SART3: variants seen among roughly 807,000 people sequenced by gnomAD.
SART3 encodes spliceosome associated factor 3, U4/U6 recycling protein.
In SART3, 44 loss-of-function variants were observed where a neutral mutation model predicts 122.3. That is an observed-to-expected ratio of 0.36 (90% CI 0.28 to 0.46). The LOEUF (loss-of-function observed/expected upper bound fraction) is 0.46, where lower values mean the gene tolerates loss of function less well. SART3 is among the 20% of genes least tolerant of loss of function. The pLI is 1.00. For synonymous variants in SART3, 442 were observed against 454.0 expected (o/e 0.97, Z 0.34); for missense variants, 1,101 against 1,229.0 (o/e 0.90, Z 1.56).
chr12:108,531,149 A>G (rs1872662564), intron 14 of SART3, 55 bp downstream of exon 14: 1 of 1,416,812 alleles, frequency 7.1e-7, no homozygotes, highest in East Asian at 2.3e-5. Flanking sequence ...CATCCATACC[A>G]AACTGAGCCA....
At chr12:108,545,056 T>C (rs1873338924) in intron 4 of SART3, 83 bp downstream of exon 4, 1 of 1,326,560 alleles carries the variant, frequency 7.5e-7, no homozygotes, top group Non-Finnish European at 1.1e-6. Context: ...AGATTCATCA[T>C]GGACATGTGT....
intron 6 of SART3, among the ~76,000 whole-genome samples, chr12:108,541,986 C>G (rs996853400): frequency 6.7e-6 from 1 of 148,530 alleles, no homozygotes; most frequent in African/African-American, 2.5e-5. Flanking sequence ...AGACACATGC[C>G]ACCAAGCCCG....
In SART3 at chr12:108,543,252, A is replaced by G. The variant is rs932193397; in HGVS notation, c.782-100T>C. ...GACTCAGGTGCCACTAGCCCCTCCC[A>G]CATCTGTGGCATGGCAGCTCTTACT... On this transcript the variant is annotated intron_variant, in intron 5 of 18. Transcript: ENST00000546815. The G allele has an allele frequency of 5.1e-6, 7 of 1,385,300 alleles. No individual in the cohort carries two copies. In the African/African-American group the frequency reaches 1.0e-4, roughly 20 times the overall value. The allele number at this position is 1,385,300 out of a possible 1,614,324, so 85.8% of individuals were successfully genotyped here.
chr12:108,545,763 C>T (rs558949314), intron 3 of SART3, among the ~76,000 whole-genome samples: 3 of 152,164 alleles, frequency 2.0e-5, no homozygotes, highest in East Asian at 1.9e-4. Context: ...GTCAGGAGAT[C>T]GAAACCAGCC....
chr12:108,547,259 T>G (rs1392154318), intron 3 of SART3, among the ~76,000 whole-genome samples: 1 of 152,190 alleles, frequency 6.6e-6, no homozygotes, highest in Non-Finnish European at 1.5e-5. Context: ...CTTCTATACT[T>G]CACTTGCACT....
In SART3 at chr12:108,532,221, C is replaced by T; in HGVS notation, c.1669+1G>A. ...AGCCAGAAGAGAGCTGGGGGTCCCACCTTCTGTCCTCTCCATGGTGAGTAA... is the reference window on the plus strand; with the variant it reads ...AGCCAGAAGAGAGCTGGGGGTCCCATCTTCTGTCCTCTCCATGGTGAGTAA... On this transcript the variant is annotated splice_donor_variant, in intron 13 of 18. Coordinates refer to ENST00000546815, the MANE Select transcript of SART3 (RefSeq NM_014706.4). LOFTEE classifies it high-confidence loss of function. 6.2e-7 allele frequency: 1 copy of T among 1,613,292 alleles called. No individual in the cohort carries two copies. The highest frequency in any genetic ancestry group is 8.5e-7 in the Non-Finnish European group (1 of 1,179,334).
chr12:108,538,640 G>C (rs1466884476), intron 7 of SART3, among the ~76,000 whole-genome samples: 1 of 152,144 alleles, frequency 6.6e-6, no homozygotes, highest in Admixed American at 6.5e-5. Flanking sequence ...TCATTTTACT[G>C]ATCTGTCTAC....
At chr12:108,558,761 C>T (rs943216611) in intron 1 of SART3, among the ~76,000 whole-genome samples, 5 of 152,138 alleles carry the variant, frequency 3.3e-5, no homozygotes, top group African/African-American at 9.7e-5. Flanking sequence ...AGGGCAGGCG[C>T]GGTGGCTCAC....
chr12:108,547,953 C>T lies in SART3; in HGVS notation c.478G>A (p.Ala160Thr), dbSNP rs1266062375. Residue 160 changes from alanine (A) to threonine (T), a missense_variant, in exon 3 of 19, where the codon GCC (alanine) becomes ACC (threonine). Ala to Thr is a moderately conservative substitution (Grantham distance 58). Around this residue, in one of 2 missense-constraint regions of SART3, gnomAD observed 885 missense variants for 1,080.1 expected, o/e 0.82. Coordinates refer to ENST00000546815, the MANE Select transcript of SART3 (RefSeq NM_014706.4). ...LEWLHDEISM[A>T]QDGLDREHVY... The stretch of plus-strand genomic sequence containing the variant: ...TGCTCTCTGTCCAGGCCATCCTGGG[C>T]CATGCTGATCTCGTCATGCAGCCAC... 6.2e-7 allele frequency: 1 copy of T among 1,613,662 alleles called. No individual in the cohort carries two copies.
At chr12:108,528,684 G>A (rs1216087695) in intron 15 of SART3, among the ~76,000 whole-genome samples, 4 of 152,114 alleles carry the variant, frequency 2.6e-5, no homozygotes, top group Non-Finnish European at 5.9e-5. Context: ...GCCTGGCCCC[G>A]GGTGTGGGAG....
chr12:108,550,923 A>G (rs2029978206), intron 1 of SART3, among the ~76,000 whole-genome samples: 1 of 152,248 alleles, frequency 6.6e-6, no homozygotes, highest in Admixed American at 6.5e-5. Context: ...AGAAAGGAGA[A>G]ACAGAAGAAT....
intron 15 of SART3, among the ~76,000 whole-genome samples, chr12:108,529,918 G>A (rs1290416421): frequency 6.6e-6 from 1 of 152,136 alleles, no homozygotes; most frequent in Non-Finnish European, 1.5e-5. Context: ...GACATTATCA[G>A]GATAAATGGG....
intron 15 of SART3, among the ~76,000 whole-genome samples, chr12:108,527,648 G>A (rs982278381): frequency 6.6e-6 from 1 of 152,214 alleles, no homozygotes; most frequent in African/African-American, 2.4e-5. Flanking sequence ...GCCCAAACAA[G>A]GTGTGCAAGC....
chr12:108,542,725 GAAAAGCAAGGGA>G, intron 6 of SART3: 1 of 437,792 alleles, frequency 2.3e-6, no homozygotes, highest in Non-Finnish European at 4.4e-6. Flanking sequence ...AAACTATAAA[GAAAAGCAAGGGA>G]ATTATCATCA....
chr12:108,536,834 T>C lies in SART3; in HGVS notation c.1310-49A>G, dbSNP rs566530873. On this transcript the variant is annotated intron_variant, in intron 9 of 18. Coordinates refer to ENST00000546815, the MANE Select transcript of SART3 (RefSeq NM_014706.4). The stretch of plus-strand genomic sequence containing the variant: ...CTTTAGGAAACCACATAGCCTGGCT[T>C]TGTTTTATTTTTTATCCTATGCTGA... 156 of 1,549,414 alleles carry C rather than the reference T, an allele frequency of 1.0e-4. No homozygotes were observed. In the South Asian group the frequency reaches 1.7e-3, roughly 17 times the overall value.
rs1872178419 is a variant in SART3, at chr12:108,522,642, C to T, written c.*815G>A. The T allele has an allele frequency of 6.6e-6, 1 of 152,188 alleles. No homozygotes were observed. Among genetic ancestry groups the T allele is most frequent in the South Asian group, 2.1e-4 (1 of 4,828 alleles). The allele number at this position is 152,188 out of a possible 1,614,324, so 9.4% of individuals were successfully genotyped here. On this transcript the variant is annotated 3_prime_UTR_variant, in exon 19 of 19. Transcript: ENST00000546815. ...AGCAAGGTACACCCACTTCAAAACA[C>T]ATCTGTATGTGAATGCACATCTGAG...
intron 17 of SART3, 29 bp from the exon 18 acceptor site, chr12:108,524,535 C>G: frequency 6.2e-7 from 1 of 1,609,320 alleles, no homozygotes; most frequent in Non-Finnish European, 8.5e-7. Flanking sequence ...AGAACCAAGT[C>G]AGATCCCGCA....
chr12:108,547,258 T>G (rs1283132524), intron 3 of SART3, among the ~76,000 whole-genome samples: 1 of 152,246 alleles, frequency 6.6e-6, no homozygotes, highest in Non-Finnish European at 1.5e-5. Context: ...TCTTCTATAC[T>G]TCACTTGCAC....
In SART3 at chr12:108,542,777, G is replaced by A. The variant is rs1042441072; in HGVS notation, c.906+251C>T. The A allele has an allele frequency of 5.1e-6, 3 of 585,476 alleles. No individual in the cohort carries two copies. In the Admixed American group the frequency reaches 6.6e-5, roughly 13 times the overall value. The allele number at this position is 585,476 out of a possible 1,614,324, so 36.3% of individuals were successfully genotyped here. On this transcript the variant is annotated intron_variant, in intron 6 of 18. Coordinates refer to ENST00000546815, the MANE Select transcript of SART3 (RefSeq NM_014706.4). ...AGTCAGGAAAGTGATTACCTCTCGG[G>A]AGAGGGAGGAGGAGGCAATCGGAGA...
Sources: gnomAD v4.1 joint callset for allele counts (sites outside exome capture counted in the v4.1 genomes callset) on GRCh38, gnomAD v4.1.1 for gene constraint, gnomAD v4.1.1 regional missense constraint, MANE v1.5 for transcripts, NCBI Gene and HGNC (gene_info 2026-07-23, HGNC 2026-07-21) for gene names.